STK33: variants seen among roughly 807,000 people sequenced by gnomAD.
STK33 encodes the protein serine/threonine-protein kinase 33.
A neutral mutation model predicts 58.0 loss-of-function variants in STK33; 52 were observed. The observed-to-expected ratio is 0.90, with a 90% CI of 0.72 to 1.13. STK33 has a LOEUF of 1.13. Among genes scored for constraint, STK33 ranks in the 50% most tolerant of loss-of-function variants. The probability of loss-of-function intolerance (pLI) is 0.00; values close to 1 mark genes in which losing one functional copy is unlikely to be tolerated. For missense variants in STK33, 630 were observed against 604.2 expected, an observed-to-expected ratio of 1.04 and a Z score of -0.45; for synonymous variants, 215 against 200.1, an observed-to-expected ratio of 1.07 and a Z score of -0.63.
chr11:8,498,289 C>T (rs759443075), intron 1 of STK33, among the ~76,000 whole-genome samples: 2 of 152,078 alleles, frequency 1.3e-5, no homozygotes, highest in African/African-American at 2.4e-5. Context: ...TTCCTATACA[C>T]CAATAACAGA....
At chr11:8,347,288 C>T in the STK33 span, among the ~76,000 whole-genome samples, 7 of 152,350 alleles carry the variant, frequency 4.6e-5, no homozygotes, top group Admixed American at 1.3e-4. Context: ...TCTCAGACAG[C>T]GTGGCTGGAC....
At chr11:8,393,991 G>C (rs548219330) in intron 15 of STK33, among the ~76,000 whole-genome samples, 1 of 152,082 alleles carries the variant, frequency 6.6e-6, no homozygotes. Context: ...ACCAGTATAT[G>C]CTAATTCTTG....
At chr11:8,402,358 C>T (rs1293938265) in intron 15 of STK33, among the ~76,000 whole-genome samples, 1 of 152,052 alleles carries the variant, frequency 6.6e-6, no homozygotes, top group Non-Finnish European at 1.5e-5. Flanking sequence ...AGCAAACTAT[C>T]ACAAGGACAA....
chr11:8,370,602 A>G, the STK33 span, among the ~76,000 whole-genome samples: 18 of 152,322 alleles, frequency 1.2e-4, no homozygotes, highest in African/African-American at 4.1e-4. Flanking sequence ...TCCTGAGGCT[A>G]CAGATACGGG....
At chr11:8,410,840 G>C (rs1356248095) in intron 15 of STK33, among the ~76,000 whole-genome samples, 2 of 152,102 alleles carry the variant, frequency 1.3e-5, no homozygotes, top group African/African-American at 4.8e-5. Context: ...TTTATAACTA[G>C]GAAGTTTCTC....
At chr11:8,379,871 CAT>C in the STK33 span, among the ~76,000 whole-genome samples, 1 of 152,130 alleles carries the variant, frequency 6.6e-6, no homozygotes, top group East Asian at 1.9e-4. Flanking sequence ...TAAGTGAGGA[CAT>C]GTGGTATTTG....
In STK33 at chr11:8,413,602, T is replaced by A. The variant is rs201296442; in HGVS notation, c.1237A>T (p.Thr413Ser). 1 of 1,614,130 alleles carries A rather than the reference T, an allele frequency of 6.2e-7. No homozygotes were observed. Among genetic ancestry groups the A allele is most frequent in the South Asian group, 1.1e-5 (1 of 91,084 alleles). Residue 413 changes from threonine to serine, a missense_variant, in exon 15 of 16, where the codon ACA becomes TCA. Transcript: ENST00000687296. ...GTGGACGGCTTATTCTTCTCTTCTG[T>A]TGTGTTTTCCTCAACACTTTCTGGG... is the stretch of plus-strand genomic sequence containing the variant. ...NNPESVEENT[T>S]EEKNKPSTEE...
chr11:8,529,617 C>A (rs1301546059), intron 1 of STK33, among the ~76,000 whole-genome samples: 1 of 151,182 alleles, frequency 6.6e-6, no homozygotes, highest in Non-Finnish European at 1.5e-5. Context: ...TAAGTAATCA[C>A]AAGGATCCCT....
At chr11:8,451,259 T>C (rs777411578) in intron 11 of STK33, among the ~76,000 whole-genome samples, 1 of 152,148 alleles carries the variant, frequency 6.6e-6, no homozygotes, top group African/African-American at 2.4e-5. Context: ...TGAAACCACA[T>C]ACCCTCACAA....
At chr11:8,479,186 G>A (rs968052710) in intron 2 of STK33, among the ~76,000 whole-genome samples, 8 of 151,920 alleles carry the variant, frequency 5.3e-5, no homozygotes, top group Admixed American at 1.3e-4. Flanking sequence ...AGGCTGAGGC[G>A]GGTGGATCAC....
chr11:8,494,374 A>G (rs1950882014), intron 1 of STK33, among the ~76,000 whole-genome samples: 1 of 152,194 alleles, frequency 6.6e-6, no homozygotes, highest in Admixed American at 6.5e-5. Flanking sequence ...ATACCTAGGA[A>G]TCCAACTTAC....
chr11:8,568,996 C>T (rs1013832794), intron 1 of STK33, among the ~76,000 whole-genome samples: 9 of 152,132 alleles, frequency 5.9e-5, no homozygotes, highest in African/African-American at 2.2e-4. Flanking sequence ...AAGACATAGA[C>T]ATTCAAATAG....
At chr11:8,588,404 A>T (rs2032062620) in intron 1 of STK33, among the ~76,000 whole-genome samples, 1 of 152,222 alleles carries the variant, frequency 6.6e-6, no homozygotes, top group Non-Finnish European at 1.5e-5. Context: ...TCCCCAAAAC[A>T]TGCCTGACGA....
chr11:8,452,965 T>C, intron 10 of STK33, 59 bp from the exon 11 acceptor site: 2 of 1,416,310 alleles, frequency 1.4e-6, no homozygotes, highest in Non-Finnish European at 2.0e-6. Context: ...TCACTCATTC[T>C]GAAGATAAGA....
chr11:8,437,261 T>C (rs568096512), intron 12 of STK33, among the ~76,000 whole-genome samples: 4 of 152,306 alleles, frequency 2.6e-5, no homozygotes, highest in South Asian at 2.1e-4. Flanking sequence ...AGACTCTTAA[T>C]AGAACATGGC....
intron 1 of STK33, among the ~76,000 whole-genome samples, chr11:8,513,174 A>G (rs904033626): frequency 6.6e-6 from 1 of 152,196 alleles, no homozygotes; most frequent in Admixed American, 6.5e-5. Context: ...CTGTGCCATC[A>G]TGGAGAGCGT....
At chr11:8,338,683 T>C in the STK33 span, among the ~76,000 whole-genome samples, 82 of 152,296 alleles carry the variant, frequency 5.4e-4, 1 homozygote, top group East Asian at 0.013. Flanking sequence ...AGTTACTCCC[T>C]GGGTGGCTTT....
At chr11:8,431,023 C>T (rs935488603) in intron 14 of STK33, among the ~76,000 whole-genome samples, 1 of 151,922 alleles carries the variant, frequency 6.6e-6, no homozygotes, top group Non-Finnish European at 1.5e-5. Context: ...CCCGCCACCA[C>T]GCCTGGCTAA....
At chr11:8,432,358 G>C (rs1228265653) in intron 14 of STK33, among the ~76,000 whole-genome samples, 1 of 152,152 alleles carries the variant, frequency 6.6e-6, no homozygotes, top group African/African-American at 2.4e-5. Flanking sequence ...ACAGTTGACA[G>C]TAAAAGGAAA....
Sources: gnomAD v4.1 joint callset for allele counts (sites outside exome capture counted in the v4.1 genomes callset) on GRCh38, gnomAD v4.1.1 for gene constraint, MANE v1.5 for transcripts, NCBI Gene and HGNC (gene_info 2026-07-23, HGNC 2026-07-21) for gene names.